Variants in GHR observed in about 807,000 individuals in gnomAD.
GHR encodes the protein GH receptor.
A neutral mutation model predicts 67.1 loss-of-function variants in GHR; 35 were observed. That is an observed-to-expected ratio of 0.52 (90% CI 0.40 to 0.69). The LOEUF (loss-of-function observed/expected upper bound fraction) is 0.69, where lower values mean the gene tolerates loss of function less well. Among genes scored for constraint, GHR ranks in the 30% least tolerant of loss-of-function variants. The pLI, the probability that GHR is intolerant of heterozygous loss-of-function variation, is 0.00. For missense variants in GHR, 792 were observed against 764.6 expected, an observed-to-expected ratio of 1.04 and a Z score of -0.42; for synonymous variants, 272 against 269.1, an observed-to-expected ratio of 1.01 and a Z score of -0.10.
At chr5:42,695,297 G>T (rs1448865406) in intron 5 of GHR, among the ~76,000 whole-genome samples, 4 of 152,176 alleles carry the variant, frequency 2.6e-5, no homozygotes, top group Non-Finnish European at 5.9e-5. Context: ...AAAGTAGCCT[G>T]GCAGTAAATG....
At chr5:42,547,726 A>G (rs1748802729) in intron 1 of GHR, among the ~76,000 whole-genome samples, 1 of 152,204 alleles carries the variant, frequency 6.6e-6, no homozygotes, top group African/African-American at 2.4e-5. Flanking sequence ...TCAGTTTTCT[A>G]GGGGTTTTCT....
chr5:42,545,378 A>C (rs552562575), intron 1 of GHR, among the ~76,000 whole-genome samples: 1 of 152,326 alleles, frequency 6.6e-6, no homozygotes, highest in Admixed American at 6.5e-5. Context: ...ATAAAAAATA[A>C]TAAGAGACAA....
chr5:42,619,797 A>C (rs1198573576), intron 2 of GHR: 1 of 152,108 alleles, frequency 6.6e-6, no homozygotes, highest in East Asian at 1.9e-4. Context: ...TAGAGGGAAA[A>C]ATACACCTTA....
rs369651256 is a variant in GHR at position 42,565,905 on chromosome 5, G to T, written c.31G>T (p.Ala11Ser). 13 of 1,613,944 alleles carry T rather than the reference G, an allele frequency of 8.1e-6. No homozygotes were observed. In the African/African-American group the frequency reaches 1.7e-4, roughly 22 times the overall value. ...TCTCTGGCAGCTGCTGTTGACCTTGGCACTGGCAGGATCAAGTGATGCTTT... is the reference window on the plus strand; with the variant it reads ...TCTCTGGCAGCTGCTGTTGACCTTGTCACTGGCAGGATCAAGTGATGCTTT... MDLWQLLLTL[A>S]LAGSSDAFSG... Residue 11 changes from alanine to serine, a missense_variant, in exon 2 of 10, where the codon GCA becomes TCA. Transcript: ENST00000230882.
At chr5:42,613,770 G>A (rs1026632044) in intron 2 of GHR, among the ~76,000 whole-genome samples, 3 of 152,058 alleles carry the variant, frequency 2.0e-5, no homozygotes, top group African/African-American at 7.2e-5. Flanking sequence ...CACTGGGTAT[G>A]GGGAATAGGG....
chr5:42,448,706 C>T (rs1026883382), intron 1 of GHR, among the ~76,000 whole-genome samples: 8 of 151,354 alleles, frequency 5.3e-5, no homozygotes, highest in Non-Finnish European at 8.8e-5. Context: ...GAGTTCTTTG[C>T]CTAAGCCAAT....
chr5:42,683,442 A>G (rs184744757), intron 3 of GHR, among the ~76,000 whole-genome samples: 143 of 152,334 alleles, frequency 9.4e-4, no homozygotes, highest in African/African-American at 3.4e-3. Flanking sequence ...TCTGCTAGTT[A>G]AAAAGAAGTC....
chr5:42,636,295 C>G (rs920333830), intron 3 of GHR, among the ~76,000 whole-genome samples: 1 of 151,786 alleles, frequency 6.6e-6, no homozygotes, highest in African/African-American at 2.4e-5. Flanking sequence ...TATGTACACT[C>G]TATATACTGA....
chr5:42,424,434 A>G lies in GHR; in HGVS notation c.-12+479A>G. ...GGCTGCTGCTGTTGCGCGGGGAAGAATCCCCGGCAGCGCGACTGGAGAGAC... is the reference window on the plus strand; with the variant it reads ...GGCTGCTGCTGTTGCGCGGGGAAGAGTCCCCGGCAGCGCGACTGGAGAGAC... On this transcript the variant is annotated intron_variant, in intron 1 of 9. Coordinates refer to ENST00000230882, the MANE Select transcript of GHR (RefSeq NM_000163.5). This position sits in a 1 kb window ranked among gnomAD's most constrained non-coding sequence, Gnocchi z 4.1. 1 of 638,492 alleles carries G rather than the reference A, an allele frequency of 1.6e-6. No individual in the cohort carries two copies. The highest frequency in any genetic ancestry group is 2.8e-6 in the Non-Finnish European group (1 of 360,182). 39.6% of individuals were successfully genotyped at this position (638,492 alleles called of 1,614,324 possible).
At chr5:42,686,042 C>G (rs1226072219) in intron 3 of GHR, among the ~76,000 whole-genome samples, 3 of 152,104 alleles carry the variant, frequency 2.0e-5, no homozygotes, top group Non-Finnish European at 4.4e-5. Context: ...ATGGTATTGC[C>G]TAGGTTTTCT....
At chr5:42,599,847 C>G (rs540035081) in intron 2 of GHR, among the ~76,000 whole-genome samples, 4 of 152,292 alleles carry the variant, frequency 2.6e-5, no homozygotes, top group South Asian at 2.1e-4. Flanking sequence ...GTAGCTGCTG[C>G]CCCTTTTAGA....
intron 8 of GHR, among the ~76,000 whole-genome samples, chr5:42,716,480 G>T (rs1222949498): frequency 6.6e-6 from 1 of 152,116 alleles, no homozygotes; most frequent in Admixed American, 6.6e-5. Context: ...CACGAAAGTG[G>T]CCATAAACAA....
chr5:42,466,836 G>T (rs1744754089), intron 1 of GHR: 6 of 1,267,100 alleles, frequency 4.7e-6, no homozygotes, highest in Non-Finnish European at 6.3e-6. Flanking sequence ...TGTCTCATTT[G>T]GGAGGCAGAA....
intron 3 of GHR, among the ~76,000 whole-genome samples, chr5:42,679,067 A>T (rs926252768): frequency 6.9e-6 from 1 of 145,548 alleles, no homozygotes; most frequent in Non-Finnish European, 1.5e-5. Flanking sequence ...CAATATATTA[A>T]TTAGTAATAT....
intron 1 of GHR, among the ~76,000 whole-genome samples, chr5:42,488,605 T>C (rs1172211977): frequency 6.6e-6 from 1 of 152,180 alleles, no homozygotes; most frequent in Non-Finnish European, 1.5e-5. Flanking sequence ...TCTGAACTCT[T>C]TAGCATATGT....
chr5:42,468,121 G>C, intron 1 of GHR: 1 of 1,213,366 alleles, frequency 8.2e-7, no homozygotes, highest in South Asian at 1.3e-5. Flanking sequence ...GAAGGTTCTT[G>C]GTTTCAGCAC....
At chr5:42,541,015 A>G (rs1403448998) in intron 1 of GHR, among the ~76,000 whole-genome samples, 15 of 117,554 alleles carry the variant, frequency 1.3e-4, no homozygotes, top group African/African-American at 3.9e-4. Flanking sequence ...TTGTTTTTTT[A>G]CAAGCAATAT....
At chr5:42,485,940 G>A (rs567169673) in intron 1 of GHR, among the ~76,000 whole-genome samples, 13 of 152,256 alleles carry the variant, frequency 8.5e-5, no homozygotes, top group South Asian at 8.3e-4. Flanking sequence ...GCTCTCAGCC[G>A]ATGATCTGTT....
intron 2 of GHR, among the ~76,000 whole-genome samples, chr5:42,567,919 T>C (rs1412250622): frequency 1.3e-5 from 2 of 152,164 alleles, no homozygotes; most frequent in Admixed American, 6.5e-5. Flanking sequence ...GACCATGTGT[T>C]TGTTTTTCTG....
Sources: allele counts gnomAD v4.1 joint callset (sites outside exome capture counted in the v4.1 genomes callset), GRCh38; gene constraint gnomAD v4.1.1; non-coding constraint Gnocchi (gnomAD v3.1); transcripts MANE v1.5; gene names NCBI Gene and HGNC (gene_info 2026-07-23, HGNC 2026-07-21).